ZDHHC14: variants seen among roughly 807,000 people sequenced by gnomAD.
ZDHHC14 encodes the protein palmitoyltransferase ZDHHC14.
In ZDHHC14, 16 loss-of-function variants were observed where a neutral mutation model predicts 47.7. That is an observed-to-expected ratio of 0.34 (90% CI 0.23 to 0.51). ZDHHC14 has a LOEUF of 0.51. Among genes scored for constraint, ZDHHC14 ranks in the 20% least tolerant of loss-of-function variants. ZDHHC14 has a pLI of 0.97. For synonymous variants in ZDHHC14, 293 were observed against 278.9 expected (o/e 1.05, Z -0.50); for missense variants, 515 against 662.5 (o/e 0.78, Z 2.44).
At chr6:157,602,074 C>T (rs1026773162) in intron 3 of ZDHHC14, among the ~76,000 whole-genome samples, 1 of 151,968 alleles carries the variant, frequency 6.6e-6, no homozygotes, top group Non-Finnish European at 1.5e-5. Context: ...TGGTAGCACA[C>T]CCCTGTAATC....
intron 1 of ZDHHC14, among the ~76,000 whole-genome samples, chr6:157,479,210 T>C (rs1290131902): frequency 6.6e-6 from 1 of 152,196 alleles, no homozygotes; most frequent in African/African-American, 2.4e-5. Flanking sequence ...CCCCCAGTTA[T>C]GGGAAATGGG....
intron 2 of ZDHHC14, among the ~76,000 whole-genome samples, chr6:157,562,856 C>G (rs1270720523): frequency 6.6e-6 from 1 of 152,146 alleles, no homozygotes; most frequent in Non-Finnish European, 1.5e-5. Flanking sequence ...CTGCTCAGGA[C>G]AACGGTTCCC....
intron 1 of ZDHHC14, among the ~76,000 whole-genome samples, chr6:157,455,241 A>G (rs989658098): frequency 6.6e-6 from 1 of 152,260 alleles, no homozygotes; most frequent in Non-Finnish European, 1.5e-5. Flanking sequence ...CACCTGCTGC[A>G]GAAAGACTCG....
intron 1 of ZDHHC14, among the ~76,000 whole-genome samples, chr6:157,533,515 G>C (rs961786220): frequency 2.6e-4 from 40 of 152,342 alleles, no homozygotes; most frequent in African/African-American, 9.1e-4. Flanking sequence ...GTTCCAGGCA[G>C]GGGGAAGGCA....
At chr6:157,436,070 G>A (rs916942488) in intron 1 of ZDHHC14, among the ~76,000 whole-genome samples, 1 of 152,102 alleles carries the variant, frequency 6.6e-6, no homozygotes, top group Non-Finnish European at 1.5e-5. Flanking sequence ...AGCTGATGAG[G>A]GAAGGCAAGT....
intron 2 of ZDHHC14, among the ~76,000 whole-genome samples, chr6:157,555,442 A>G (rs1334178814): frequency 6.6e-6 from 1 of 152,222 alleles, no homozygotes; most frequent in African/African-American, 2.4e-5. Flanking sequence ...CAAGGAACAC[A>G]GACTTTTCAA....
chr6:157,603,909 G>A (rs1037165371), intron 3 of ZDHHC14, among the ~76,000 whole-genome samples: 2 of 152,180 alleles, frequency 1.3e-5, no homozygotes, highest in African/African-American at 4.8e-5. Flanking sequence ...GGACAGGGAA[G>A]GGCACGCCAC....
chr6:157,672,581 G>A, intron 8 of ZDHHC14, 143 bp from the exon 9 acceptor site: 2 of 904,784 alleles, frequency 2.2e-6, no homozygotes, highest in Non-Finnish European at 3.3e-6. Context: ...GGCGCTCCCT[G>A]CCTGGCTGAC....
intron 1 of ZDHHC14, among the ~76,000 whole-genome samples, chr6:157,519,289 T>A (rs1489207565): frequency 1.3e-5 from 2 of 152,142 alleles, no homozygotes; most frequent in African/African-American, 2.4e-5. Flanking sequence ...ATATTTATTT[T>A]TTTATTTTTA....
chr6:157,590,716 G>A (rs111263427), intron 2 of ZDHHC14, among the ~76,000 whole-genome samples: 1 of 152,214 alleles, frequency 6.6e-6, no homozygotes, highest in Admixed American at 6.5e-5. Flanking sequence ...CCCCACTGGG[G>A]CACTGCCTAG....
At chr6:157,517,423 G>T (rs1554262830) in intron 1 of ZDHHC14, among the ~76,000 whole-genome samples, 1 of 151,634 alleles carries the variant, frequency 6.6e-6, no homozygotes, top group Non-Finnish European at 1.5e-5. Flanking sequence ...CGATTCTCCT[G>T]CCTCAGCCTC....
chr6:157,653,783 G>C (rs942698925), intron 8 of ZDHHC14, among the ~76,000 whole-genome samples, 156 bp downstream of exon 8: 2 of 152,330 alleles, frequency 1.3e-5, no homozygotes, highest in African/African-American at 4.8e-5. Flanking sequence ...AGGAGGCAAG[G>C]CGTTAAACTA....
In ZDHHC14 at chr6:157,502,683, T is replaced by C. The variant is rs941093656; in HGVS notation, c.246-39902T>C. Among the ~76,000 whole-genome samples, 4 of 152,030 alleles carry C rather than the reference T, an allele frequency of 2.6e-5. No individual in the cohort carries two copies. Among genetic ancestry groups the C allele is most frequent in the Admixed American group, 2.6e-4 (4 of 15,244 alleles). ...AGTTTTTGTTGTGTTTGTTTTTGTT[T>C]TGTTTTGTTTTGTTTGTTTGTTTTT... On this transcript the variant is annotated intron_variant, in intron 1 of 8. Coordinates refer to ENST00000359775, the MANE Select transcript of ZDHHC14 (RefSeq NM_024630.3). The surrounding 1 kb of genome is among the most constrained non-coding windows in gnomAD (Gnocchi z 4.0).
chr6:157,660,383 G>A (rs1778299200), intron 8 of ZDHHC14, among the ~76,000 whole-genome samples: 1 of 151,936 alleles, frequency 6.6e-6, no homozygotes, highest in Non-Finnish European at 1.5e-5. Flanking sequence ...AGTAGAGATG[G>A]CATTTCACCA....
At chr6:157,589,616 C>A (rs1298157754) in intron 2 of ZDHHC14, among the ~76,000 whole-genome samples, 1 of 152,178 alleles carries the variant, frequency 6.6e-6, no homozygotes, top group East Asian at 1.9e-4. Flanking sequence ...TTTGCTTCCC[C>A]TTCTGCCATG....
intron 1 of ZDHHC14, among the ~76,000 whole-genome samples, chr6:157,491,744 G>T (rs539760328): frequency 2.6e-5 from 4 of 152,326 alleles, no homozygotes; most frequent in African/African-American, 9.6e-5. Flanking sequence ...TTATTGACAA[G>T]TGACTCTGGC....
intron 2 of ZDHHC14, among the ~76,000 whole-genome samples, chr6:157,574,307 C>T (rs1335573549): frequency 6.6e-6 from 1 of 152,044 alleles, no homozygotes; most frequent in Non-Finnish European, 1.5e-5. Flanking sequence ...CCTGTAATCC[C>T]AGCTACTCCA....
intron 2 of ZDHHC14, among the ~76,000 whole-genome samples, chr6:157,564,062 C>A (rs1232324767): frequency 1.3e-5 from 2 of 152,228 alleles, no homozygotes; most frequent in Non-Finnish European, 2.9e-5. Flanking sequence ...GCTGGAAATT[C>A]AAAGAATGTC....
chr6:157,484,336 T>TACAC (rs1779716736), intron 1 of ZDHHC14, among the ~76,000 whole-genome samples: 5 of 142,356 alleles, frequency 3.5e-5, no homozygotes, highest in East Asian at 2.1e-4. Flanking sequence ...TACGTATATA[T>TACAC]ACATTATACG....
Sources: allele counts gnomAD v4.1 joint callset (sites outside exome capture counted in the v4.1 genomes callset), GRCh38; gene constraint gnomAD v4.1.1; non-coding constraint Gnocchi (gnomAD v3.1); transcripts MANE v1.5; gene names NCBI Gene and HGNC (gene_info 2026-07-23, HGNC 2026-07-21).